PHACTR1: variants seen among roughly 807,000 people sequenced by gnomAD.
The protein encoded by PHACTR1 is phosphatase and actin regulator 1, also known as RPEL repeat containing 1.
In PHACTR1, 16 loss-of-function variants were observed where a neutral mutation model predicts 69.2. The ratio of observed to expected loss-of-function variants is 0.23; its 90% CI spans 0.16 to 0.35. The LOEUF is 0.35. Ranked by LOEUF, PHACTR1 falls within the 10% of genes least tolerant of loss-of-function variation. PHACTR1 has a pLI of 1.00. For missense variants in PHACTR1, 510 were observed against 734.7 expected, an observed-to-expected ratio of 0.69 and a Z score of 3.54; for synonymous variants, 312 against 284.5, an observed-to-expected ratio of 1.10 and a Z score of -0.97.
intron 8 of PHACTR1, among the ~76,000 whole-genome samples, chr6:13,213,240 G>T (rs1200490687): frequency 6.6e-6 from 1 of 152,216 alleles, no homozygotes; most frequent in African/African-American, 2.4e-5. Context: ...ATATTAAGCA[G>T]TATTAGTGGT....
intron 4 of PHACTR1, among the ~76,000 whole-genome samples, chr6:12,768,809 T>TACACACACACACAC (rs4053038): frequency 1.6e-5 from 2 of 123,366 alleles, no homozygotes; most frequent in African/African-American, 3.1e-5. Flanking sequence ...ATGTGCTATC[T>TACACACACACACAC]ACACACACAC....
intron 4 of PHACTR1, among the ~76,000 whole-genome samples, chr6:12,865,725 G>A (rs991752916): frequency 5.9e-5 from 9 of 152,148 alleles, no homozygotes; most frequent in Non-Finnish European, 1.0e-4. Context: ...TTGATGTTCC[G>A]GGACAGTCCC....
intron 5 of PHACTR1, among the ~76,000 whole-genome samples, chr6:13,111,923 T>C (rs143215683): frequency 3.6e-4 from 55 of 152,294 alleles, no homozygotes; most frequent in East Asian, 3.5e-3. Context: ...AGATTTGTTA[T>C]ATAGGTAAAC....
intron 5 of PHACTR1, among the ~76,000 whole-genome samples, chr6:13,110,033 A>C (rs936558473): frequency 6.6e-6 from 1 of 151,772 alleles, no homozygotes; most frequent in African/African-American, 2.4e-5. Context: ...AGCTTCTCTC[A>C]GTTTCTCTTA....
intron 4 of PHACTR1, among the ~76,000 whole-genome samples, chr6:12,874,035 ACTCT>A (rs1183473067): frequency 5.3e-5 from 8 of 151,696 alleles, no homozygotes; most frequent in Non-Finnish European, 1.0e-4. Flanking sequence ...ATGTTTGCCA[ACTCT>A]CTCTCTCTCT....
At chr6:12,857,007 T>C (rs1780445107) in intron 4 of PHACTR1, among the ~76,000 whole-genome samples, 1 of 152,164 alleles carries the variant, frequency 6.6e-6, no homozygotes, top group South Asian at 2.1e-4. Flanking sequence ...GGTTATTCTG[T>C]TTGAGGAATA....
chr6:12,765,142 G>A (rs986808710), intron 4 of PHACTR1, among the ~76,000 whole-genome samples: 1 of 152,114 alleles, frequency 6.6e-6, no homozygotes, highest in African/African-American at 2.4e-5. Context: ...CAAGAAGAAG[G>A]CTCAGTTTTG....
intron 4 of PHACTR1, among the ~76,000 whole-genome samples, chr6:12,796,684 C>T (rs1773040452): frequency 6.6e-6 from 1 of 152,184 alleles, no homozygotes; most frequent in Admixed American, 6.5e-5. Context: ...AAGGTAGCAT[C>T]ACACAGAAAA....
intron 4 of PHACTR1, among the ~76,000 whole-genome samples, chr6:12,752,495 T>C (rs979717387): frequency 1.3e-5 from 2 of 152,232 alleles, no homozygotes; most frequent in Non-Finnish European, 2.9e-5. Context: ...TTTATTGGCT[T>C]AAACTATTTA....
rs1554146502 is a variant in PHACTR1 at position 12,830,133 on chromosome 6, G to GAAAGAAAGAAAGAAAGA, written c.250+80346_250+80362dup. 2.6e-3 allele frequency among the ~76,000 whole-genome samples: 379 copies of GAAAGAAAGAAAGAAAGA among 143,440 alleles called. 5 individuals are homozygous for GAAAGAAAGAAAGAAAGA. The highest frequency in any genetic ancestry group is 8.5e-3 in the African/African-American group (335 of 39,618). The allele number at this position is 143,440 out of a possible 152,430, so 94.1% of individuals were successfully genotyped here. ...AGAAAGAAAGAAAGAAAGAAAGAAA[G>GAAAGAAAGAAAGAAAGA]AAAGAAAGAAAGAAAGAAAGAAAGA... On this transcript the variant is annotated intron_variant, in intron 4 of 14. Coordinates refer to ENST00000332995, the MANE Select transcript of PHACTR1 (RefSeq NM_030948.6).
At chr6:12,802,298 A>G (rs1303071492) in intron 4 of PHACTR1, among the ~76,000 whole-genome samples, 1 of 151,966 alleles carries the variant, frequency 6.6e-6, no homozygotes, top group Non-Finnish European at 1.5e-5. Flanking sequence ...CTTAGTTCTT[A>G]TAAGTTCATA....
chr6:13,205,990 C>T lies in PHACTR1; in HGVS notation c.840C>T (p.Pro280=), dbSNP rs534478686. 3.5e-5 allele frequency: 57 copies of T among 1,614,034 alleles called. No homozygotes were observed. In the East Asian group the frequency reaches 1.2e-3, roughly 33 times the overall value. The change falls in exon 8 of 15, where the codon CCC becomes CCT. Residue 280 remains proline (P), a synonymous_variant. Coordinates refer to ENST00000332995, the MANE Select transcript of PHACTR1 (RefSeq NM_030948.6). The part of the protein sequence containing the change: ...GVAQHHHTVL[P]SQIQHQLQYG... ...CCCAGCACCACCACACTGTCCTGCCCTCCCAGATCCAGCACCAGCTGCAGT... is the reference window on the plus strand; with the variant it reads ...CCCAGCACCACCACACTGTCCTGCCTTCCCAGATCCAGCACCAGCTGCAGT...
intron 4 of PHACTR1, among the ~76,000 whole-genome samples, chr6:12,848,737 T>G (rs9296486): frequency 0.19 from 28,775 of 152,154 alleles, 2,929 homozygotes; most frequent in African/African-American, 0.26. Flanking sequence ...TCTGAATGTT[T>G]TTTCAAATGG....
intron 5 of PHACTR1, among the ~76,000 whole-genome samples, chr6:13,083,157 A>G (rs1811685033): frequency 6.6e-6 from 1 of 152,202 alleles, no homozygotes; most frequent in Non-Finnish European, 1.5e-5. Flanking sequence ...TCAGCTTTCT[A>G]CATATGACTA....
chr6:12,942,802 T>C (rs1225739695), intron 4 of PHACTR1, among the ~76,000 whole-genome samples: 2 of 152,182 alleles, frequency 1.3e-5, no homozygotes, highest in Non-Finnish European at 2.9e-5. Context: ...AAATGAATCA[T>C]ACAAGTCAAT....
At chr6:12,910,632 A>G (rs1219206273) in intron 4 of PHACTR1, among the ~76,000 whole-genome samples, 3 of 152,228 alleles carry the variant, frequency 2.0e-5, no homozygotes, top group Non-Finnish European at 2.9e-5. Context: ...CACCATGAGC[A>G]CGTACATATT....
At chr6:12,801,417 C>T (rs1773683687) in intron 4 of PHACTR1, among the ~76,000 whole-genome samples, 1 of 152,108 alleles carries the variant, frequency 6.6e-6, no homozygotes, top group African/African-American at 2.4e-5. Flanking sequence ...GCTTGGCCAT[C>T]TCATTATCAA....
intron 5 of PHACTR1, among the ~76,000 whole-genome samples, chr6:13,132,316 C>G (rs1298893963): frequency 6.6e-6 from 1 of 152,178 alleles, no homozygotes; most frequent in Non-Finnish European, 1.5e-5. Context: ...CCTGTGGGGA[C>G]TGCTCCCTCC....
At chr6:12,845,686 T>G (rs1004572181) in intron 4 of PHACTR1, among the ~76,000 whole-genome samples, 3 of 152,156 alleles carry the variant, frequency 2.0e-5, no homozygotes, top group Non-Finnish European at 4.4e-5. Context: ...CACATCTGAG[T>G]GCCAGAATTC....
Sources: gnomAD v4.1 joint callset for allele counts (sites outside exome capture counted in the v4.1 genomes callset) on GRCh38, gnomAD v4.1.1 for gene constraint, MANE v1.5 for transcripts, NCBI Gene and HGNC (gene_info 2026-07-23, HGNC 2026-07-21) for gene names.